The following VWA8 variants were observed in gnomAD, a reference collection of about 807,000 sequenced individuals.
VWA8 encodes the protein von Willebrand factor A domain containing 8, also known as von Willebrand factor A domain-containing protein 8.
Under a neutral mutation model 241.5 loss-of-function variants are expected in VWA8, and 221 were observed. The observed-to-expected ratio is 0.91, with a 90% CI of 0.82 to 1.02. VWA8 has a LOEUF of 1.02. VWA8 is among the 50% of genes least tolerant of loss of function. The pLI is 0.00. For missense variants in VWA8, 2,322 were observed against 2,328.7 expected (o/e 1.00, Z 0.06); for synonymous variants, 852 against 827.1 (o/e 1.03, Z -0.52).
intron 37 of VWA8, among the ~76,000 whole-genome samples, chr13:41,661,383 A>T (rs1257533258): frequency 6.6e-6 from 1 of 152,156 alleles, no homozygotes; most frequent in East Asian, 1.9e-4. Flanking sequence ...TGGATATCTG[A>T]CTAGGTAGTG....
intron 6 of VWA8, 70 bp downstream of exon 6, chr13:41,887,127 T>C (rs1286853844): frequency 6.6e-7 from 1 of 1,526,708 alleles, no homozygotes; most frequent in African/African-American, 1.4e-5. Context: ...GTAACATTTT[T>C]ATAGCATTGA....
At chr13:41,799,895 C>T (rs1869870407) in intron 17 of VWA8, among the ~76,000 whole-genome samples, 1 of 152,098 alleles carries the variant, frequency 6.6e-6, no homozygotes, top group African/African-American at 2.4e-5. Flanking sequence ...ATTTTTCTTA[C>T]CTAAAAAAGA....
At chr13:41,734,730 G>A (rs556210788) in intron 21 of VWA8, among the ~76,000 whole-genome samples, 5 of 152,110 alleles carry the variant, frequency 3.3e-5, no homozygotes, top group Non-Finnish European at 5.9e-5. Context: ...CTCCTGGGCC[G>A]GGCACCTGCC....
chr13:41,730,336 C>G (rs932510834), intron 22 of VWA8, among the ~76,000 whole-genome samples: 1 of 152,128 alleles, frequency 6.6e-6, no homozygotes, highest in Non-Finnish European at 1.5e-5. Context: ...GAAATAGGTA[C>G]TGCCTCATTA....
At chr13:41,784,721 T>TATATATATATATAC (rs1869084309) in intron 18 of VWA8, among the ~76,000 whole-genome samples, 1 of 64,572 alleles carries the variant, frequency 1.5e-5, no homozygotes, top group East Asian at 5.1e-4. Context: ...TATATATATA[T>TATATATATATATAC]ATATATATAC....
At chr13:41,674,945 CTTA>C (rs2045049965) in intron 36 of VWA8, among the ~76,000 whole-genome samples, 1 of 151,972 alleles carries the variant, frequency 6.6e-6, no homozygotes, top group South Asian at 2.1e-4. Context: ...TACAGAAAAA[CTTA>C]TTAGAACAGA....
intron 2 of VWA8, among the ~76,000 whole-genome samples, chr13:41,940,179 C>T (rs1456852457): frequency 6.6e-6 from 1 of 152,188 alleles, no homozygotes; most frequent in Non-Finnish European, 1.5e-5. Context: ...TGGCTATGAA[C>T]TGAAAGTTTC....
intron 21 of VWA8, among the ~76,000 whole-genome samples, chr13:41,739,049 A>G (rs1328202783): frequency 2.6e-5 from 4 of 152,162 alleles, no homozygotes; most frequent in African/African-American, 2.4e-5. Flanking sequence ...AGGACTTTCT[A>G]TGGTCTTTTA....
At chr13:41,667,578 A>G (rs2044995083) in intron 37 of VWA8, among the ~76,000 whole-genome samples, 1 of 152,222 alleles carries the variant, frequency 6.6e-6, no homozygotes, top group African/African-American at 2.4e-5. Context: ...ATTTCTTTTA[A>G]TTAGAAAATA....
intron 40 of VWA8, among the ~76,000 whole-genome samples, chr13:41,595,535 A>G (rs1398782352): frequency 6.6e-6 from 1 of 152,140 alleles, no homozygotes. Context: ...CTCCCTGCCA[A>G]AGGTAACTCC....
intron 4 of VWA8, among the ~76,000 whole-genome samples, chr13:41,907,187 C>G (rs1875759187): frequency 6.6e-6 from 1 of 152,164 alleles, no homozygotes; most frequent in African/African-American, 2.4e-5. Flanking sequence ...AGTGTATACT[C>G]TCACTACCTT....
chr13:41,591,366 A>G (rs1593636127), intron 40 of VWA8, among the ~76,000 whole-genome samples: 1 of 152,252 alleles, frequency 6.6e-6, no homozygotes, highest in African/African-American at 2.4e-5. Context: ...TGCCAGATAG[A>G]CTAATTTTAC....
intron 37 of VWA8, among the ~76,000 whole-genome samples, chr13:41,660,879 CTTT>C (rs918525375): frequency 1.5e-3 from 212 of 141,006 alleles, no homozygotes; most frequent in Non-Finnish European, 2.5e-3. Flanking sequence ...AATTGGGTTT[CTTT>C]TTTTTTTTTT....
At chr13:41,816,564 C>T in intron 16 of VWA8, 134 bp downstream of exon 16, 1 of 747,234 alleles carries the variant, frequency 1.3e-6, no homozygotes, top group Non-Finnish European at 2.2e-6. Context: ...ATGCATAGAA[C>T]AAAGGCATAG....
chr13:41,951,408 C>A (rs1237598831), intron 1 of VWA8, among the ~76,000 whole-genome samples: 3 of 152,180 alleles, frequency 2.0e-5, no homozygotes, highest in African/African-American at 7.2e-5. Flanking sequence ...CGGTGCGACA[C>A]TCCGTCTCAA....
At chr13:41,880,236 T>C (rs1366963210) in intron 9 of VWA8, among the ~76,000 whole-genome samples, 2 of 152,204 alleles carry the variant, frequency 1.3e-5, no homozygotes, top group East Asian at 3.8e-4. Flanking sequence ...GTTAATAACC[T>C]TCACCCAGTT....
chr13:41,679,404 C>T (rs1162342320), intron 35 of VWA8, among the ~76,000 whole-genome samples: 2 of 152,210 alleles, frequency 1.3e-5, no homozygotes, highest in Admixed American at 6.5e-5. Context: ...GGGTTTAACA[C>T]ACTTCTGTGT....
intron 32 of VWA8, among the ~76,000 whole-genome samples, chr13:41,690,523 G>C (rs1280278436): frequency 6.6e-6 from 1 of 152,052 alleles, no homozygotes; most frequent in African/African-American, 2.4e-5. Context: ...AAAGGGTTGT[G>C]GGGAGGGGAA....
chr13:41,842,022 CAG>C, intron 12 of VWA8, among the ~76,000 whole-genome samples: 1 of 150,514 alleles, frequency 6.6e-6, no homozygotes, highest in South Asian at 2.1e-4. Flanking sequence ...AATACCATAC[CAG>C]TAGTATAAAC....
Sources: gnomAD v4.1 joint callset for allele counts (sites outside exome capture counted in the v4.1 genomes callset) on GRCh38, gnomAD v4.1.1 for gene constraint, MANE v1.5 for transcripts, NCBI Gene and HGNC (gene_info 2026-07-23, HGNC 2026-07-21) for gene names.